FAT3: variants seen among roughly 807,000 people sequenced by gnomAD.
FAT3 encodes protocadherin Fat 3.
Under a neutral mutation model 310.2 loss-of-function variants are expected in FAT3, and 95 were observed. That is an observed-to-expected ratio of 0.31 (90% CI 0.26 to 0.36). The LOEUF (loss-of-function observed/expected upper bound fraction) is 0.36, where lower values mean the gene tolerates loss of function less well. FAT3 is among the 10% of genes least tolerant of loss of function. The pLI, the probability that FAT3 is intolerant of heterozygous loss-of-function variation, is 1.00. For missense variants in FAT3, 5,408 were observed against 5,715.6 expected (o/e 0.95, Z 1.74); for synonymous variants, 2,314 against 2,192.9 (o/e 1.06, Z -1.54).
At chr11:92,469,597 C>T (rs914206916) in intron 2 of FAT3, among the ~76,000 whole-genome samples, 3 of 152,108 alleles carry the variant, frequency 2.0e-5, no homozygotes, top group Admixed American at 6.5e-5. Flanking sequence ...TCACTGCAAC[C>T]TCAGTCTCCT....
intron 2 of FAT3, among the ~76,000 whole-genome samples, chr11:92,422,891 G>A (rs868260064): frequency 3.3e-4 from 50 of 152,170 alleles, no homozygotes; most frequent in African/African-American, 1.1e-3. Flanking sequence ...TGCAAGGGAC[G>A]TTGACCAGAC....
intron 1 of FAT3, among the ~76,000 whole-genome samples, chr11:92,301,799 G>T (rs977374522): frequency 6.6e-6 from 1 of 151,930 alleles, no homozygotes; most frequent in African/African-American, 2.4e-5. Context: ...CTCATAGTGG[G>T]TCTAGAGTGT....
At chr11:92,289,048 G>A (rs1281418853) in intron 1 of FAT3, among the ~76,000 whole-genome samples, 1 of 152,104 alleles carries the variant, frequency 6.6e-6, no homozygotes, top group African/African-American at 2.4e-5. Context: ...CCATTGGCTG[G>A]GGGTCAGAGG....
intron 2 of FAT3, among the ~76,000 whole-genome samples, chr11:92,433,500 C>T (rs985636883): frequency 6.6e-6 from 1 of 152,132 alleles, no homozygotes; most frequent in African/African-American, 2.4e-5. Context: ...TTCCCTGACC[C>T]CTTCTACTTC....
chr11:92,756,293 C>T lies in FAT3; in HGVS notation c.3670-5563C>T, dbSNP rs114122492. On this transcript the variant is annotated intron_variant, in intron 4 of 27. Coordinates refer to ENST00000525166, the MANE Select transcript of FAT3 (RefSeq NM_001367949.2). Reference sequence around the variant, plus strand: ...ATTAGGCACAGTAAGAGTTCAATGACAATGATGATGTAGAAGAGTTATAAC... The same window carrying T: ...ATTAGGCACAGTAAGAGTTCAATGATAATGATGATGTAGAAGAGTTATAAC... 6.4e-3 allele frequency among the ~76,000 whole-genome samples: 968 copies of T among 152,244 alleles called. 5 individuals carry two copies. Among genetic ancestry groups the T allele is most frequent in the African/African-American group, 0.022 (908 of 41,546 alleles).
intron 3 of FAT3, among the ~76,000 whole-genome samples, chr11:92,527,469 T>C (rs1281670805): frequency 6.6e-6 from 1 of 152,186 alleles, no homozygotes; most frequent in Non-Finnish European, 1.5e-5. Context: ...CACTTACTTA[T>C]CTGGAAAATG....
chr11:92,348,665 A>C, intron 1 of FAT3, among the ~76,000 whole-genome samples: 1 of 152,186 alleles, frequency 6.6e-6, no homozygotes, highest in East Asian at 1.9e-4. Context: ...AGCGTGTTTC[A>C]GTTTGGTATT....
At position 92,797,949 on chromosome 11, in the gene FAT3, C is replaced by G. The variant is rs1320701361; in HGVS notation, c.4936C>G (p.Gln1646Glu). The stretch of plus-strand genomic sequence containing the variant: ...TGTCCTATCCATCAAAGTCACAGAT[C>G]AGGGATCCCCGCCAATGTCTGCTAC... ...QFVLSIKVTD[Q>E]GSPPMSATAI... The change falls in exon 10 of 28, where the codon CAG (glutamine) becomes GAG (glutamate). Residue 1646 changes from glutamine (Q) to glutamate (E), a missense_variant. Gln to Glu is a conservative substitution (Grantham distance 29, BLOSUM62 2). Around this residue, in one of 5 missense-constraint regions of FAT3, gnomAD observed 4,588 missense variants for 4,809.8 expected, o/e 0.95. Coordinates refer to ENST00000525166, the MANE Select transcript of FAT3 (RefSeq NM_001367949.2). The G allele has an allele frequency of 6.2e-7, 1 of 1,613,756 alleles. No homozygotes were observed. The highest frequency in any genetic ancestry group is 2.2e-5 in the East Asian group (1 of 44,860).
chr11:92,600,000 G>A (rs1225690694), intron 3 of FAT3, among the ~76,000 whole-genome samples: 1 of 152,220 alleles, frequency 6.6e-6, no homozygotes, highest in African/African-American at 2.4e-5. Context: ...AGGCACAGTT[G>A]AGGGAGATAG....
intron 3 of FAT3, among the ~76,000 whole-genome samples, chr11:92,686,778 G>T (rs1387370085): frequency 2.0e-5 from 3 of 152,152 alleles, no homozygotes; most frequent in Non-Finnish European, 4.4e-5. Context: ...TTAAAGGATT[G>T]CATGCCTACA....
At chr11:92,444,909 A>T (rs1305089065) in intron 2 of FAT3, among the ~76,000 whole-genome samples, 5 of 152,168 alleles carry the variant, frequency 3.3e-5, no homozygotes, top group African/African-American at 1.2e-4. Context: ...GATGGCACAC[A>T]ATAAATTCCA....
intron 3 of FAT3, among the ~76,000 whole-genome samples, chr11:92,566,679 C>T (rs1256301942): frequency 6.7e-6 from 1 of 149,854 alleles, no homozygotes; most frequent in Non-Finnish European, 1.5e-5. Flanking sequence ...GGTACTGGTA[C>T]CAAAACAGAG....
intron 1 of FAT3, among the ~76,000 whole-genome samples, chr11:92,270,018 G>A (rs1475137066): frequency 6.6e-6 from 1 of 152,104 alleles, no homozygotes; most frequent in African/African-American, 2.4e-5. Flanking sequence ...TCAGATGTCT[G>A]CTTACTGTTT....
intron 1 of FAT3, among the ~76,000 whole-genome samples, chr11:92,233,515 G>A (rs898380515): frequency 1.3e-5 from 2 of 152,198 alleles, no homozygotes; most frequent in Non-Finnish European, 2.9e-5. Flanking sequence ...TAAATGTGGT[G>A]TCTGACCCTT....
chr11:92,475,935 A>G (rs1298842865), intron 2 of FAT3, among the ~76,000 whole-genome samples: 1 of 152,200 alleles, frequency 6.6e-6, no homozygotes, highest in African/African-American at 2.4e-5. Context: ...AAGAAATTAA[A>G]GACCGAAGGT....
intron 4 of FAT3, among the ~76,000 whole-genome samples, chr11:92,710,965 A>G (rs994026840): frequency 6.6e-6 from 1 of 152,200 alleles, no homozygotes; most frequent in Non-Finnish European, 1.5e-5. Context: ...AAATACAATT[A>G]TTTCCGATTA....
At chr11:92,663,283 G>C (rs749614241) in intron 3 of FAT3, among the ~76,000 whole-genome samples, 32 of 152,240 alleles carry the variant, frequency 2.1e-4, no homozygotes, top group Non-Finnish European at 4.1e-4. Flanking sequence ...TGAGCATTCA[G>C]GTTGAAGGAG....
At chr11:92,440,343 G>T (rs1951038084) in intron 2 of FAT3, among the ~76,000 whole-genome samples, 1 of 152,212 alleles carries the variant, frequency 6.6e-6, no homozygotes, top group Non-Finnish European at 1.5e-5. Context: ...AGCCAGTGCT[G>T]CTGGGAGCTC....
At chr11:92,280,682 C>T (rs1218441453) in intron 1 of FAT3, among the ~76,000 whole-genome samples, 3 of 152,134 alleles carry the variant, frequency 2.0e-5, no homozygotes, top group African/African-American at 7.2e-5. Flanking sequence ...CTCTATAATT[C>T]AGCTCCCAAG....
Sources: gnomAD v4.1 joint callset for allele counts (sites outside exome capture counted in the v4.1 genomes callset) on GRCh38, gnomAD v4.1.1 for gene constraint, gnomAD v4.1.1 regional missense constraint, MANE v1.5 for transcripts, NCBI Gene and HGNC (gene_info 2026-07-23, HGNC 2026-07-21) for gene names.